The following PLPP1 variants were observed in gnomAD, a reference collection of about 807,000 sequenced individuals.
PLPP1 encodes the protein lipid phosphate phosphohydrolase 1a.
PLPP1 carries 24 observed loss-of-function variants against 31.2 expected under a neutral mutation model. That is an observed-to-expected ratio of 0.77 (90% confidence interval 0.56 to 1.08). The LOEUF is 1.08. PLPP1 is among the 50% of genes least tolerant of loss of function. The pLI is 0.00. For synonymous variants in PLPP1, 146 were observed against 126.3 expected, an observed-to-expected ratio of 1.16 and a Z score of -1.05; for missense variants, 319 against 342.7, an observed-to-expected ratio of 0.93 and a Z score of 0.55.
At chr5:55,481,012 T>A (rs1301799136) in intron 1 of PLPP1, among the ~76,000 whole-genome samples, 2 of 152,324 alleles carry the variant, frequency 1.3e-5, no homozygotes, top group East Asian at 3.9e-4. Context: ...CCAGTGAATA[T>A]TTATAATGGT....
chr5:55,501,937 G>T (rs1157995113), intron 1 of PLPP1, among the ~76,000 whole-genome samples: 1 of 152,180 alleles, frequency 6.6e-6, no homozygotes, highest in Non-Finnish European at 1.5e-5. Context: ...ACAGTGCTTT[G>T]ATTTAGTCAC....
intron 1 of PLPP1, among the ~76,000 whole-genome samples, chr5:55,501,067 C>T (rs1753132336): frequency 6.6e-6 from 1 of 152,192 alleles, no homozygotes; most frequent in South Asian, 2.1e-4. Context: ...GTAACCCCAG[C>T]ACGTTGGGAG....
intron 2 of PLPP1, among the ~76,000 whole-genome samples, chr5:55,472,939 G>C (rs1383061067): frequency 1.3e-5 from 2 of 152,186 alleles, no homozygotes; most frequent in South Asian, 2.1e-4. Flanking sequence ...CTCCAGGCTA[G>C]AGCAAATTCC....
chr5:55,432,887 C>T (rs1008159370), intron 4 of PLPP1, among the ~76,000 whole-genome samples: 1 of 151,742 alleles, frequency 6.6e-6, no homozygotes, highest in Non-Finnish European at 1.5e-5. Flanking sequence ...ACACAACTAA[C>T]GCCATCCTAA....
intron 1 of PLPP1, among the ~76,000 whole-genome samples, chr5:55,499,773 T>A (rs1753094894): frequency 6.6e-6 from 1 of 152,068 alleles, no homozygotes; most frequent in Non-Finnish European, 1.5e-5. Context: ...TGAGCACCTA[T>A]TATAAGTCAC....
chr5:55,437,056 T>C (rs1370542467), intron 4 of PLPP1, among the ~76,000 whole-genome samples: 1 of 152,208 alleles, frequency 6.6e-6, no homozygotes, highest in Non-Finnish European at 1.5e-5. Context: ...CCAACCATGC[T>C]GGCACCCTAA....
Position 55,425,179 on chromosome 5 carries a change from A to C in PLPP1, c.*27T>G, listed in dbSNP as rs745576148. 1 of 1,599,912 alleles carries C rather than the reference A, an allele frequency of 6.3e-7. No homozygotes were observed. Among genetic ancestry groups the C allele is most frequent in the African/African-American group, 1.4e-5 (1 of 73,826 alleles). The stretch of plus-strand genomic sequence containing the variant: ...ATCATTTTCCTTTAGAAAACAGGCC[A>C]GCTTCACCTGGGCACCCTGCTGCCT... On this transcript the variant is annotated 3_prime_UTR_variant, in exon 6 of 6. Coordinates refer to ENST00000307259, the MANE Select transcript of PLPP1 (RefSeq NM_003711.4).
intron 4 of PLPP1, among the ~76,000 whole-genome samples, chr5:55,432,797 AT>A (rs1255988704): frequency 1.5e-4 from 7 of 46,068 alleles, no homozygotes; most frequent in Admixed American, 6.7e-4. Flanking sequence ...TCCCTTCATG[AT>A]TTAAAAAAAA....
chr5:55,501,257 G>T (rs1031429756), intron 1 of PLPP1, among the ~76,000 whole-genome samples: 6 of 152,026 alleles, frequency 3.9e-5, no homozygotes, highest in Non-Finnish European at 1.5e-5. Flanking sequence ...AGGTTGCAGT[G>T]AGCTGAGATC....
intron 1 of PLPP1, among the ~76,000 whole-genome samples, chr5:55,521,454 G>C (rs996443508): frequency 6.6e-6 from 1 of 151,276 alleles, no homozygotes; most frequent in Admixed American, 6.6e-5. Flanking sequence ...GGAGGTCAAG[G>C]CTGCAGTGAG....
intron 1 of PLPP1, among the ~76,000 whole-genome samples, chr5:55,497,153 C>G (rs534453465): frequency 6.6e-6 from 1 of 152,196 alleles, no homozygotes; most frequent in South Asian, 2.1e-4. Flanking sequence ...CTTATTCATT[C>G]AAACATTTCC....
intron 4 of PLPP1, among the ~76,000 whole-genome samples, chr5:55,428,495 CAA>C (rs1235183632): frequency 6.6e-6 from 1 of 152,214 alleles, no homozygotes; most frequent in South Asian, 2.1e-4. Flanking sequence ...ACCTTGCCAG[CAA>C]AAGTTTCCTA....
At chr5:55,531,442 G>A (rs916891415) in intron 1 of PLPP1, among the ~76,000 whole-genome samples, 1 of 152,160 alleles carries the variant, frequency 6.6e-6, no homozygotes, top group African/African-American at 2.4e-5. Context: ...ACAGGTTGAC[G>A]TAACATCATC....
At chr5:55,475,935 AGCAGGCTGAAAGCTGCT>A (rs1752539700) in intron 1 of PLPP1, among the ~76,000 whole-genome samples, 1 of 151,864 alleles carries the variant, frequency 6.6e-6, no homozygotes. Flanking sequence ...TATTGTCTAT[AGCAGGCTGAAAGCTGCT>A]ATAAAAAGGA....
chr5:55,442,800 A>G (rs1016559326), intron 3 of PLPP1, among the ~76,000 whole-genome samples: 2 of 152,122 alleles, frequency 1.3e-5, no homozygotes, highest in African/African-American at 4.8e-5. Flanking sequence ...TGCTTACAAA[A>G]CTTAATTTTG....
chr5:55,520,601 C>T (rs187409360), intron 1 of PLPP1, among the ~76,000 whole-genome samples: 1 of 152,302 alleles, frequency 6.6e-6, no homozygotes, highest in African/African-American at 2.4e-5. Flanking sequence ...AGATGACGAA[C>T]TCAAAGAGTT....
intron 4 of PLPP1, among the ~76,000 whole-genome samples, chr5:55,438,762 G>A (rs983125575): frequency 5.3e-5 from 8 of 152,192 alleles, no homozygotes; most frequent in East Asian, 1.9e-4. Flanking sequence ...TTAGCCGGGC[G>A]TGGTGGCGGG....
intron 2 of PLPP1, among the ~76,000 whole-genome samples, chr5:55,470,649 T>C (rs1752396175): frequency 6.6e-6 from 1 of 152,216 alleles, no homozygotes; most frequent in African/African-American, 2.4e-5. Context: ...TCAATTCTTC[T>C]GAATTAAATG....
intron 1 of PLPP1, among the ~76,000 whole-genome samples, chr5:55,496,802 TCTC>T (rs1201693658): frequency 6.6e-6 from 1 of 152,174 alleles, no homozygotes; most frequent in African/African-American, 2.4e-5. Context: ...GTTCCCATAT[TCTC>T]CTCAATTCAG....
Sources: gnomAD v4.1 joint callset for allele counts (sites outside exome capture counted in the v4.1 genomes callset) on GRCh38, gnomAD v4.1.1 for gene constraint, MANE v1.5 for transcripts, NCBI Gene and HGNC (gene_info 2026-07-23, HGNC 2026-07-21) for gene names.